Variants in WDFY4 observed in about 807,000 individuals in gnomAD.
WDFY4 encodes the protein WD repeat- and FYVE domain-containing protein 4.
In WDFY4, 169 loss-of-function variants were observed where a neutral mutation model predicts 351.9. That is an observed-to-expected ratio of 0.48 (90% CI 0.42 to 0.55). The LOEUF (loss-of-function observed/expected upper bound fraction) is 0.55, where lower values mean the gene tolerates loss of function less well. Among genes scored for constraint, WDFY4 ranks in the 20% least tolerant of loss-of-function variants. The pLI is 0.00. For synonymous variants in WDFY4, 1,622 were observed against 1,574.6 expected (o/e 1.03, Z -0.71); for missense variants, 3,803 against 3,935.6 (o/e 0.97, Z 0.90).
At chr10:48,982,319 T>G (rs1294643082) in intron 61 of WDFY4, among the ~76,000 whole-genome samples, 190 bp from the exon 62 acceptor site, 1 of 152,068 alleles carries the variant, frequency 6.6e-6, no homozygotes, top group Non-Finnish European at 1.5e-5. Flanking sequence ...CACAGCTCAA[T>G]GCTTTCCCCT....
At chr10:48,799,948 C>G (rs2067006910) in intron 24 of WDFY4, among the ~76,000 whole-genome samples, 1 of 152,060 alleles carries the variant, frequency 6.6e-6, no homozygotes, top group African/African-American at 2.4e-5. Context: ...TGCAGTGGCA[C>G]AATCTCGGCT....
chr10:48,821,758 A>G (rs976102280), intron 34 of WDFY4, among the ~76,000 whole-genome samples: 1 of 152,188 alleles, frequency 6.6e-6, no homozygotes, highest in Admixed American at 6.5e-5. Flanking sequence ...CCTACTCAGA[A>G]GCCCTGACTT....
In WDFY4 at chr10:48,743,307, A is replaced by G; in HGVS notation, c.2218A>G (p.Arg740Gly). The change falls in exon 12 of 62, where the codon AGG becomes GGG. Residue 740 changes from arginine to glycine, a missense_variant. By Grantham distance (125) the Arg-to-Gly change is moderately radical. Around this residue, in one of 3 missense-constraint regions of WDFY4, gnomAD observed 3,054 missense variants for 3,148.6 expected, o/e 0.97. Coordinates refer to ENST00000325239, the MANE Select transcript of WDFY4 (RefSeq NM_001394531.1). ...LLRSWVDTKARPFADLLGTAF... is the reference protein window; with the variant it reads ...LLRSWVDTKAGPFADLLGTAF... ...GCGCTCTTGGGTGGACACAAAGGCC[A>G]GGCCATTTGCAGATTTGCTGGGCAC... 4 of 1,551,684 alleles carry G rather than the reference A, an allele frequency of 2.6e-6. No homozygotes were observed. The highest frequency in any genetic ancestry group is 3.5e-6 in the Non-Finnish European group (4 of 1,146,962).
At chr10:48,966,705 CTGTCCCAGGGT>C (rs1333709169) in intron 55 of WDFY4, 32 bp downstream of exon 55, 1 of 1,546,440 alleles carries the variant, frequency 6.5e-7, no homozygotes, top group Non-Finnish European at 8.7e-7. Context: ...GTTTGGTGTC[CTGTCCCAGGGT>C]TGTCCCTTCA....
intron 59 of WDFY4, 71 bp downstream of exon 59, chr10:48,977,050 C>T: frequency 7.7e-7 from 1 of 1,296,784 alleles, no homozygotes; most frequent in East Asian, 3.1e-5. Context: ...CTCACTTCCT[C>T]CAGGGGGCCA....
chr10:48,873,388 C>A, intron 40 of WDFY4, 103 bp from the exon 41 acceptor site: 1 of 1,300,078 alleles, frequency 7.7e-7, no homozygotes, highest in Non-Finnish European at 1.0e-6. Context: ...CTTTCTCAAA[C>A]ATTCATGGGA....
At chr10:48,891,461 T>C (rs931023864) in intron 44 of WDFY4, among the ~76,000 whole-genome samples, 3 of 152,256 alleles carry the variant, frequency 2.0e-5, no homozygotes, top group African/African-American at 7.2e-5. Context: ...TTGCCAAAAG[T>C]CCAGTTGTCA....
At position 48,776,877 on chromosome 10, in the gene WDFY4, G is replaced by A; in HGVS notation, c.2991G>A (p.Gln997=). The change falls in exon 16 of 62, where the codon CAG becomes CAA. Residue 997 remains glutamine (Q), a synonymous_variant. Transcript: ENST00000325239. The part of the protein sequence containing the change: ...GESQDSTTAL[Q]TALSLISMTS... ...CCCAGGATTCAACTACTGCTCTTCA[G>A]ACGGCGCTGAGCCTCATCTCCATGA... 6.4e-7 allele frequency: 1 copy of A among 1,551,972 alleles called. No homozygotes were observed. The highest frequency in any genetic ancestry group is 1.2e-5 in the South Asian group (1 of 84,062).
rs1046495969 is a variant in WDFY4, at chr10:48,978,542, G to T, written c.9376+149G>T. 4 of 666,966 alleles carry T rather than the reference G, an allele frequency of 6.0e-6. 1 individual carries two copies. The African/African-American group carries it at 7.3e-5, about 12-fold the overall frequency. The allele number at this position is 666,966 out of a possible 1,614,324, so 41.3% of individuals were successfully genotyped here. On this transcript the variant is annotated intron_variant, in intron 60 of 61. Coordinates refer to ENST00000325239, the MANE Select transcript of WDFY4 (RefSeq NM_001394531.1). Reference sequence around the variant, plus strand: ...AAGGCACAGAGAGGTTCAGTGACTTGCCCAAAGTCACCCAGCAAGCAGACT... The same window carrying T: ...AAGGCACAGAGAGGTTCAGTGACTTTCCCAAAGTCACCCAGCAAGCAGACT...
intron 43 of WDFY4, among the ~76,000 whole-genome samples, chr10:48,881,323 G>C (rs2070239572): frequency 6.6e-6 from 1 of 152,248 alleles, no homozygotes; most frequent in Non-Finnish European, 1.5e-5. Context: ...CTCCTGTGAG[G>C]CAAGGAACTG....
intron 13 of WDFY4, among the ~76,000 whole-genome samples, chr10:48,767,655 C>A (rs570802765): frequency 2.0e-5 from 3 of 152,016 alleles, no homozygotes; most frequent in East Asian, 1.9e-4. Flanking sequence ...TCAGCTTGAG[C>A]GAGGGATCAG....
At chr10:48,689,409 TAC>T in intron 1 of WDFY4, among the ~76,000 whole-genome samples, 1 of 152,308 alleles carries the variant, frequency 6.6e-6, no homozygotes, top group Non-Finnish European at 1.5e-5. Context: ...AAGTGTGAAA[TAC>T]ACACCAGATT....
At chr10:48,688,089 G>A (rs1235252278) in intron 1 of WDFY4, among the ~76,000 whole-genome samples, 3 of 152,098 alleles carry the variant, frequency 2.0e-5, no homozygotes, top group East Asian at 1.9e-4. Flanking sequence ...GGCCTAATAG[G>A]CCATTCTTTA....
chr10:48,864,085 C>A (rs1161090065), intron 39 of WDFY4, among the ~76,000 whole-genome samples: 4 of 152,182 alleles, frequency 2.6e-5, no homozygotes, highest in Non-Finnish European at 5.9e-5. Flanking sequence ...TGAGTGGGCA[C>A]ACAAAGCCTA....
chr10:48,852,745 C>A (rs965412437), intron 39 of WDFY4, among the ~76,000 whole-genome samples: 2 of 152,202 alleles, frequency 1.3e-5, no homozygotes, highest in Non-Finnish European at 2.9e-5. Flanking sequence ...TGAACAGCCT[C>A]TCCCGTCCTC....
chr10:48,876,034 A>G (rs1317148507), intron 42 of WDFY4, among the ~76,000 whole-genome samples: 1 of 152,234 alleles, frequency 6.6e-6, no homozygotes, highest in Non-Finnish European at 1.5e-5. Context: ...GATGATGGCC[A>G]TGGGCTGCTG....
In WDFY4 at chr10:48,830,857, G is replaced by A. The variant is rs987995078; in HGVS notation, c.6498G>A (p.Thr2166=). 8.4e-6 allele frequency: 13 copies of A among 1,551,470 alleles called. No homozygotes were observed. Among genetic ancestry groups the A allele is most frequent in the East Asian group, 4.9e-5 (2 of 40,924 alleles). ...AGGTCACACCGCTCTGGGAGGAGAC[G>A]ATGCTCAAGGCCTGGCAGCATTACT... ...IEEVTPLWEE[T]MLKAWQHYLA... Residue 2166 remains threonine (T), a synonymous_variant, in exon 38 of 62, where the codon ACG becomes ACA. Transcript: ENST00000325239.
intron 12 of WDFY4, among the ~76,000 whole-genome samples, chr10:48,758,353 T>G (rs1310976171): frequency 2.6e-5 from 4 of 152,220 alleles, no homozygotes; most frequent in Non-Finnish European, 4.4e-5. Flanking sequence ...TAAAATTTTC[T>G]TTAGTGTTCA....
intron 39 of WDFY4, among the ~76,000 whole-genome samples, chr10:48,866,646 T>C (rs1288421522): frequency 1.3e-5 from 2 of 152,196 alleles, no homozygotes; most frequent in Non-Finnish European, 2.9e-5. Context: ...CTCTCTGCTG[T>C]CTTAGAGCAG....
Sources: allele counts gnomAD v4.1 joint callset (sites outside exome capture counted in the v4.1 genomes callset), GRCh38; gene constraint gnomAD v4.1.1; regional missense constraint gnomAD v4.1.1; transcripts MANE v1.5; gene names NCBI Gene and HGNC (gene_info 2026-07-23, HGNC 2026-07-21).